Variants in IGSF21 observed in about 807,000 individuals in gnomAD.
IGSF21 encodes the protein immunoglobin superfamily member 21, also known as immunoglobulin superfamily member 21.
In IGSF21, 28 loss-of-function variants were observed where a neutral mutation model predicts 46.8. That is an observed-to-expected ratio of 0.60 (90% CI 0.44 to 0.82). IGSF21 has a LOEUF of 0.82. IGSF21 is among the 40% of genes least tolerant of loss of function. The probability of loss-of-function intolerance (pLI) is 0.00; values close to 1 mark genes in which losing one functional copy is unlikely to be tolerated. For synonymous variants in IGSF21, 284 were observed against 273.6 expected (o/e 1.04, Z -0.38); for missense variants, 624 against 665.5 (o/e 0.94, Z 0.69).
At chr1:18,369,638 A>T (rs113294565) in intron 6 of IGSF21, among the ~76,000 whole-genome samples, 54 of 152,348 alleles carry the variant, frequency 3.5e-4, no homozygotes, top group African/African-American at 1.1e-3. Context: ...TCTGGGTGAG[A>T]CAGTGGGACG....
intron 3 of IGSF21, among the ~76,000 whole-genome samples, chr1:18,319,606 G>A (rs2085580731): frequency 6.6e-6 from 1 of 151,798 alleles, no homozygotes; most frequent in African/African-American, 2.4e-5. Flanking sequence ...GTTGTTCCAA[G>A]GAATTCACTA....
intron 4 of IGSF21, among the ~76,000 whole-genome samples, chr1:18,344,906 C>A (rs764779636): frequency 1.3e-5 from 2 of 152,162 alleles, no homozygotes; most frequent in South Asian, 4.1e-4. Context: ...CTCCAGGGAG[C>A]CAGGCTGCTG....
chr1:18,158,560 C>T (rs1190326571), intron 1 of IGSF21, among the ~76,000 whole-genome samples: 24 of 152,118 alleles, frequency 1.6e-4, no homozygotes. Context: ...AACAGTGCCT[C>T]CAGAAGCCAT....
At chr1:18,250,688 C>G (rs1314449538) in intron 2 of IGSF21, among the ~76,000 whole-genome samples, 21 of 152,086 alleles carry the variant, frequency 1.4e-4, no homozygotes, top group Non-Finnish European at 1.5e-5. Flanking sequence ...TCAGTTTCCT[C>G]TTGTGCTAAG....
intron 3 of IGSF21, among the ~76,000 whole-genome samples, chr1:18,330,976 C>G (rs1353825737): frequency 6.6e-6 from 1 of 152,174 alleles, no homozygotes; most frequent in African/African-American, 2.4e-5. Context: ...GTAGGGTTCA[C>G]TTCTGGTGTT....
chr1:18,163,002 T>C (rs75656704), intron 1 of IGSF21, among the ~76,000 whole-genome samples: 5,679 of 152,092 alleles, frequency 0.037, 163 homozygotes, highest in Non-Finnish European at 0.057. Flanking sequence ...GAGGGTGAGT[T>C]GGAGTTGGCC....
intron 3 of IGSF21, among the ~76,000 whole-genome samples, chr1:18,327,777 G>T (rs545897307): frequency 2.0e-5 from 3 of 152,150 alleles, no homozygotes; most frequent in Non-Finnish European, 4.4e-5. Flanking sequence ...TTTTGGGAGA[G>T]ATGAGTATGT....
Position 18,122,123 on chromosome 1 carries a change from C to T in IGSF21, c.70+13925C>T, listed in dbSNP as rs150935059. The stretch of plus-strand genomic sequence containing the variant: ...AGATTGCCAAAGAAACCTCAGTCAC[C>T]CTCTTCACGACTTTTGTCATGTCTA... On this transcript the variant is annotated intron_variant, in intron 1 of 9. Transcript: ENST00000251296. 4.4e-4 allele frequency among the ~76,000 whole-genome samples: 67 copies of T among 152,224 alleles called. 1 individual carries two copies. The highest frequency in any genetic ancestry group is 4.4e-3 in the Admixed American group (67 of 15,292).
intron 1 of IGSF21, among the ~76,000 whole-genome samples, chr1:18,187,125 A>G (rs2086910759): frequency 6.6e-6 from 1 of 152,282 alleles, no homozygotes; most frequent in African/African-American, 2.4e-5. Flanking sequence ...GTCCAAGATC[A>G]GATGGCGGAA....
intron 3 of IGSF21, among the ~76,000 whole-genome samples, chr1:18,333,011 G>A (rs1344661124): frequency 2.0e-5 from 3 of 152,222 alleles, no homozygotes; most frequent in African/African-American, 4.8e-5. Context: ...GCAAAAGCAG[G>A]TGGGAGAGCA....
intron 1 of IGSF21, among the ~76,000 whole-genome samples, chr1:18,212,716 T>C (rs1353848991): frequency 2.0e-5 from 3 of 152,206 alleles, no homozygotes; most frequent in African/African-American, 7.2e-5. Flanking sequence ...CCCCTGGCCC[T>C]GGAGAGGGCA....
intron 1 of IGSF21, among the ~76,000 whole-genome samples, chr1:18,169,441 C>T (rs1378501318): frequency 6.6e-6 from 1 of 152,218 alleles, no homozygotes; most frequent in Non-Finnish European, 1.5e-5. Context: ...GGATGCCAAC[C>T]GTGGTGCTGG....
chr1:18,312,179 A>G (rs962479901), intron 3 of IGSF21, among the ~76,000 whole-genome samples: 6 of 152,192 alleles, frequency 3.9e-5, no homozygotes, highest in African/African-American at 1.4e-4. Flanking sequence ...TCACAGCTCC[A>G]TCTTTAGCAC....
intron 1 of IGSF21, among the ~76,000 whole-genome samples, chr1:18,201,705 T>G (rs1181160689): frequency 2.6e-5 from 4 of 152,170 alleles, no homozygotes; most frequent in Admixed American, 6.5e-5. Flanking sequence ...GCCCTCTCAT[T>G]GGGGTGTGTG....
intron 3 of IGSF21, among the ~76,000 whole-genome samples, chr1:18,304,290 C>T (rs2085390600): frequency 6.6e-6 from 1 of 152,146 alleles, no homozygotes; most frequent in Non-Finnish European, 1.5e-5. Context: ...CTGTTAGATG[C>T]CTGAGCACAG....
At chr1:18,340,943 G>A (rs58158300) in intron 4 of IGSF21, among the ~76,000 whole-genome samples, 2,067 of 143,836 alleles carry the variant, frequency 0.014, 48 homozygotes, top group African/African-American at 0.049. Context: ...CCTCTTCTCC[G>A]TCCTCCTCCC....
chr1:18,306,982 C>A (rs1424869428), intron 3 of IGSF21, among the ~76,000 whole-genome samples: 1 of 152,214 alleles, frequency 6.6e-6, no homozygotes, highest in Non-Finnish European at 1.5e-5. Context: ...ATTGGTTCTG[C>A]GTATTCGCAT....
At chr1:18,372,870 A>G (rs78873495) in intron 6 of IGSF21, among the ~76,000 whole-genome samples, 21,306 of 68,746 alleles carry the variant, frequency 0.31, 1,820 homozygotes, top group Non-Finnish European at 0.4. Flanking sequence ...GGATGGGTGG[A>G]TGGATGGATG....
At chr1:18,194,543 C>T (rs1435428685) in intron 1 of IGSF21, among the ~76,000 whole-genome samples, 2 of 152,142 alleles carry the variant, frequency 1.3e-5, no homozygotes, top group Non-Finnish European at 2.9e-5. Context: ...TTTGTGGATG[C>T]CTTGCTCCAA....
Sources: gnomAD v4.1 joint callset for allele counts (sites outside exome capture counted in the v4.1 genomes callset) on GRCh38, gnomAD v4.1.1 for gene constraint, MANE v1.5 for transcripts, NCBI Gene and HGNC (gene_info 2026-07-23, HGNC 2026-07-21) for gene names.